PUDP: variants seen among roughly 807,000 people sequenced by gnomAD.
PUDP encodes pseudouridine 5'-phosphatase.
A neutral mutation model predicts 9.4 loss-of-function variants in PUDP; 8 were observed. The ratio of observed to expected loss-of-function variants is 0.85; its 90% CI spans 0.50 to 1.53. PUDP has a LOEUF of 1.53. Ranked by LOEUF, PUDP falls within the 40% of genes most tolerant of loss-of-function variation. The pLI is 0.00. For synonymous variants in PUDP, 99 were observed against 80.7 expected (o/e 1.23, Z -1.22); for missense variants, 188 against 189.7 (o/e 0.99, Z 0.05).
At chrX:6,905,559 G>A (rs1240034605) in intron 3 of PUDP, among the ~76,000 whole-genome samples, 2 of 111,380 alleles carry the variant, frequency 1.8e-5, no homozygotes, top group East Asian at 2.8e-4. Context: ...TCTTGTGAGA[G>A]CTCACTCACT....
intron 1 of PUDP, among the ~76,000 whole-genome samples, chrX:6,985,379 T>C (rs1029978793): frequency 9.0e-6 from 1 of 111,565 alleles, no homozygotes; most frequent in African/African-American, 3.3e-5. Flanking sequence ...CTGGGGTGAT[T>C]GCCCTTATTT....
chrX:7,059,671 T>C (rs1321754630), intron 3 of PUDP, among the ~76,000 whole-genome samples: 2 of 112,187 alleles, frequency 1.8e-5, no homozygotes, highest in Admixed American at 9.4e-5. Context: ...ACTTTCGTTA[T>C]GGAAAAACCA....
chrX:7,044,106 AAGC>A (rs767352585), downstream of PUDP, among the ~76,000 whole-genome samples: 398 of 112,600 alleles, frequency 3.5e-3, 1 homozygote, highest in Non-Finnish European at 5.6e-3. Context: ...AGTATTTGCA[AAGC>A]AGCAGTTCTC....
At chrX:6,908,132 T>A in intron 3 of PUDP, among the ~76,000 whole-genome samples, 1 of 112,713 alleles carries the variant, frequency 8.9e-6, no homozygotes, top group East Asian at 2.8e-4. Flanking sequence ...CATGGGCTTC[T>A]TTGGGGATTC....
chrX:7,081,639 T>C (rs1931091267), intron 2 of PUDP, among the ~76,000 whole-genome samples: 1 of 112,440 alleles, frequency 8.9e-6, no homozygotes, highest in African/African-American at 3.2e-5. Flanking sequence ...TACTGAGATC[T>C]CCAAAATGCT....
intron 1 of PUDP, among the ~76,000 whole-genome samples, chrX:6,996,510 C>T (rs764445332): frequency 1.7e-4 from 18 of 108,138 alleles, no homozygotes; most frequent in African/African-American, 6.1e-4. Flanking sequence ...CACAACCTAC[C>T]CAAATTCATT....
intron 3 of PUDP, among the ~76,000 whole-genome samples, chrX:6,773,822 G>T (rs1925406226): frequency 9.0e-6 from 1 of 111,449 alleles, no homozygotes; most frequent in South Asian, 3.8e-4. Context: ...TGCACAAACT[G>T]CCCCTTAATC....
intron 1 of PUDP, among the ~76,000 whole-genome samples, chrX:7,136,908 A>C (rs2146932138): frequency 9.0e-6 from 1 of 111,570 alleles, no homozygotes; most frequent in Admixed American, 9.5e-5. Flanking sequence ...AGATTTACAA[A>C]CTGTGCAGAA....
intron 3 of PUDP, among the ~76,000 whole-genome samples, chrX:6,762,415 T>C (rs962229907): frequency 1.2e-4 from 14 of 112,297 alleles, no homozygotes; most frequent in Non-Finnish European, 2.4e-4. Context: ...AGCACACTTT[T>C]CTACCTTCAT....
chrX:6,890,935 CAAAAAAAAAAAAAAAAAA>C (rs764486249), intron 3 of PUDP, among the ~76,000 whole-genome samples: 6 of 33,147 alleles, frequency 1.8e-4, no homozygotes, highest in African/African-American at 5.9e-4. Context: ...CTCATCTCTC[CAAAAAAAAAAAAAAAAAA>C]AAAAAAAAAA....
chrX:6,766,134 CA>C (rs1337478578), intron 3 of PUDP, among the ~76,000 whole-genome samples: 1 of 111,392 alleles, frequency 9.0e-6, no homozygotes, highest in Non-Finnish European at 1.9e-5. Flanking sequence ...ACTTTATATC[CA>C]GTAAAAATAT....
chrX:7,115,182 G>C (rs778201097), intron 1 of PUDP, among the ~76,000 whole-genome samples: 5 of 112,382 alleles, frequency 4.4e-5, no homozygotes, highest in African/African-American at 1.6e-4. Flanking sequence ...TAATAAGCTA[G>C]CTCTTTTAAA....
intron 3 of PUDP, among the ~76,000 whole-genome samples, chrX:6,729,744 T>C (rs1280079123): frequency 9.0e-6 from 1 of 111,650 alleles, no homozygotes; most frequent in Non-Finnish European, 1.9e-5. Context: ...ACCAGGCTTA[T>C]CAGTACCAGC....
At chrX:6,907,812 G>A (rs1927790649) in intron 3 of PUDP, among the ~76,000 whole-genome samples, 1 of 111,901 alleles carries the variant, frequency 8.9e-6, no homozygotes, top group Non-Finnish European at 1.9e-5. Context: ...GCAAGAGGGT[G>A]AAGGGTACCC....
intron 1 of PUDP, among the ~76,000 whole-genome samples, chrX:7,113,972 C>A (rs1368291867): frequency 9.0e-6 from 1 of 111,493 alleles, no homozygotes; most frequent in African/African-American, 3.3e-5. Context: ...GGCCTTCTTG[C>A]TGGTGGGGAC....
intron 2 of PUDP, among the ~76,000 whole-genome samples, chrX:7,088,873 C>T (rs1931342711): frequency 8.9e-6 from 1 of 111,996 alleles, no homozygotes; most frequent in South Asian, 3.7e-4. Context: ...TCTGTGACAA[C>T]CTGCATGCAA....
rs5934620 is a variant in PUDP at position 6,947,001 on chromosome X, G to T, written c.*247+30132C>A. Among the ~76,000 whole-genome samples the T allele has an allele frequency of 4.6e-3, 134 of 29,363 alleles. 1 individual carries two copies. The highest frequency in any genetic ancestry group is 0.029 in the Middle Eastern group (2 of 69). The allele number at this position is 29,363 out of a possible 115,157, so 25.5% of individuals were successfully genotyped here. On this transcript the variant is annotated intron_variant and NMD_transcript_variant, in intron 3 of 3. Coordinates refer to the PUDP transcript ENST00000655425. ...TTTTTGTTTGTTTTTCTGTTTGTTT[G>T]TTTTTTTTTTTTTAATTGAGACAGG...
intron 3 of PUDP, among the ~76,000 whole-genome samples, chrX:6,894,463 A>G (rs749746967): frequency 8.0e-5 from 9 of 112,215 alleles, no homozygotes; most frequent in African/African-American, 2.9e-4. Flanking sequence ...TTCAGCTCTC[A>G]ATTCCTTCAG....
chrX:6,932,936 C>T (rs1481819399), intron 3 of PUDP, among the ~76,000 whole-genome samples: 1 of 110,386 alleles, frequency 9.1e-6, no homozygotes. Flanking sequence ...CGCCATTGCC[C>T]AGGCTTGCTT....
Sources: gnomAD v4.1 joint callset for allele counts (sites outside exome capture counted in the v4.1 genomes callset) on GRCh38, gnomAD v4.1.1 for gene constraint, MANE v1.5 for transcripts, NCBI Gene and HGNC (gene_info 2026-07-23, HGNC 2026-07-21) for gene names.